FOXP2: variants seen among roughly 807,000 people sequenced by gnomAD.
FOXP2 encodes the protein forkhead box P2, also known as forkhead box protein P2.
Under a neutral mutation model 115.8 loss-of-function variants are expected in FOXP2, and 12 were observed. That is an observed-to-expected ratio of 0.10 (90% CI 0.07 to 0.17). FOXP2 has a LOEUF of 0.17. FOXP2 is among the 10% of genes least tolerant of loss of function. The pLI, the probability that FOXP2 is intolerant of heterozygous loss-of-function variation, is 1.00. For synonymous variants in FOXP2, 328 were observed against 297.7 expected (o/e 1.10, Z -1.05); for missense variants, 629 against 843.5 (o/e 0.75, Z 3.15).
intron 2 of FOXP2, among the ~76,000 whole-genome samples, chr7:114,392,185 G>C (rs1792620470): frequency 1.3e-5 from 2 of 152,142 alleles, no homozygotes; most frequent in African/African-American, 4.8e-5. Flanking sequence ...TAATGGAGAA[G>C]AGGATTTTGG....
chr7:114,680,824 G>A (rs1808050105), intron 16 of FOXP2, among the ~76,000 whole-genome samples: 1 of 152,034 alleles, frequency 6.6e-6, no homozygotes, highest in Non-Finnish European at 1.5e-5. Context: ...AACAGTTGGG[G>A]AAAAATGGCA....
chr7:114,139,215 G>C (rs1034772188), intron 1 of FOXP2, among the ~76,000 whole-genome samples: 3 of 151,996 alleles, frequency 2.0e-5, no homozygotes, highest in Non-Finnish European at 4.4e-5. Context: ...TTTCATGTTA[G>C]AGCGGAAAAA....
intron 3 of FOXP2, among the ~76,000 whole-genome samples, chr7:114,607,155 A>G (rs1262886860): frequency 6.6e-6 from 1 of 152,188 alleles, no homozygotes. Context: ...TTTATTTTAT[A>G]AGGCCACAGA....
chr7:114,427,501 A>G (rs1251880679), intron 2 of FOXP2, among the ~76,000 whole-genome samples: 1 of 151,628 alleles, frequency 6.6e-6, no homozygotes, highest in Admixed American at 6.6e-5. Context: ...TTGAAAGCAT[A>G]TACTTATATT....
At chr7:114,562,169 G>T (rs1200028228) in intron 3 of FOXP2, among the ~76,000 whole-genome samples, 1 of 152,100 alleles carries the variant, frequency 6.6e-6, no homozygotes, top group African/African-American at 2.4e-5. Flanking sequence ...TGACCCTGCT[G>T]CAGCATTTGT....
chr7:114,401,875 C>CTTT lies in FOXP2; in HGVS notation c.-10-24626_-10-24624dup, dbSNP rs1285279517. On this transcript the variant is annotated intron_variant, in intron 2 of 17. Transcript: ENST00000634411. The stretch of plus-strand genomic sequence containing the variant: ...GTGGCTCATGCCTGTAATCTCAGCA[C>CTTT]TTTGAGAGGCCAAGGCAGGCGGATC... Among the ~76,000 whole-genome samples, 10 of 152,260 alleles carry CTTT rather than the reference C, an allele frequency of 6.6e-5. No individual in the cohort carries two copies. The East Asian group carries it at 1.7e-3, about 26-fold the overall frequency.
chr7:114,136,515 A>C (rs1279903165), intron 1 of FOXP2, among the ~76,000 whole-genome samples: 2 of 152,018 alleles, frequency 1.3e-5, no homozygotes, highest in Non-Finnish European at 2.9e-5. Flanking sequence ...ATAGTTTGTA[A>C]TAAAAGTTTT....
At chr7:114,545,016 A>C (rs1330214607) in intron 3 of FOXP2, among the ~76,000 whole-genome samples, 2 of 152,214 alleles carry the variant, frequency 1.3e-5, no homozygotes, top group Non-Finnish European at 2.9e-5. Context: ...ACTGAATTAA[A>C]ATTGAGGAAC....
At chr7:114,164,904 A>C (rs1476315439) in intron 1 of FOXP2, among the ~76,000 whole-genome samples, 1 of 152,110 alleles carries the variant, frequency 6.6e-6, no homozygotes, top group African/African-American at 2.4e-5. Context: ...AAATTACAGC[A>C]CAGATTATAG....
intron 16 of FOXP2, among the ~76,000 whole-genome samples, chr7:114,672,593 A>G (rs1807548903): frequency 8.6e-6 from 1 of 116,472 alleles, no homozygotes; most frequent in Non-Finnish European, 1.8e-5. Flanking sequence ...TCAAAAAAAA[A>G]AATACCTATT....
chr7:114,262,744 C>T (rs1395713643), intron 1 of FOXP2, among the ~76,000 whole-genome samples: 4 of 152,162 alleles, frequency 2.6e-5, no homozygotes, highest in Non-Finnish European at 4.4e-5. Context: ...TTTCTTCTTT[C>T]TTTCCACCCA....
At chr7:114,189,623 T>C (rs1382133530) in intron 1 of FOXP2, among the ~76,000 whole-genome samples, 1 of 152,142 alleles carries the variant, frequency 6.6e-6, no homozygotes, top group Non-Finnish European at 1.5e-5. Flanking sequence ...TGAATAACCT[T>C]ATGACTTATA....
chr7:114,492,370 A>T (rs1305335741), intron 2 of FOXP2, among the ~76,000 whole-genome samples: 3 of 151,974 alleles, frequency 2.0e-5, no homozygotes, highest in African/African-American at 7.3e-5. Flanking sequence ...CAGCTCCTGG[A>T]TTCACTGATT....
At chr7:114,171,690 G>A (rs1793144969) in intron 1 of FOXP2, among the ~76,000 whole-genome samples, 1 of 152,146 alleles carries the variant, frequency 6.6e-6, no homozygotes. Context: ...ACAGATCAAG[G>A]GGTAATTTCC....
intron 2 of FOXP2, among the ~76,000 whole-genome samples, chr7:114,486,790 G>T (rs1416646271): frequency 6.6e-6 from 1 of 152,196 alleles, no homozygotes; most frequent in Non-Finnish European, 1.5e-5. Context: ...GCTCTGAAAT[G>T]ATCTCCTTTG....
intron 6 of FOXP2, among the ~76,000 whole-genome samples, chr7:114,639,457 G>A (rs1229319883): frequency 6.6e-6 from 1 of 151,694 alleles, no homozygotes; most frequent in Non-Finnish European, 1.5e-5. Context: ...ATTAGAAGGA[G>A]ACTGGTGATA....
At chr7:114,429,710 A>G (rs1794019941) in intron 2 of FOXP2, among the ~76,000 whole-genome samples, 1 of 151,574 alleles carries the variant, frequency 6.6e-6, no homozygotes, top group Admixed American at 6.6e-5. Context: ...TACTGCTTTG[A>G]AGGTGTTTCA....
chr7:114,462,275 G>A lies in FOXP2; in HGVS notation c.168+35596G>A, dbSNP rs866078576. Among the ~76,000 whole-genome samples the A allele has an allele frequency of 2.8e-3, 114 of 41,440 alleles. 1 individual carries two copies. The highest frequency in any genetic ancestry group is 0.011 in the African/African-American group (92 of 8,506). The allele number at this position is 41,440 out of a possible 152,430, so 27.2% of individuals were successfully genotyped here. Reference sequence around the variant, plus strand: ...CAGCCTGGCGACAGAACGAGACTCCGTGAAAAAAAAAAAAAAAAAAAAAAA... The same window carrying A: ...CAGCCTGGCGACAGAACGAGACTCCATGAAAAAAAAAAAAAAAAAAAAAAA... On this transcript the variant is annotated intron_variant, in intron 2 of 16. Transcript: ENST00000350908.
At chr7:114,486,419 TATA>T (rs775720971) in intron 2 of FOXP2, among the ~76,000 whole-genome samples, 41 of 152,270 alleles carry the variant, frequency 2.7e-4, no homozygotes, top group Non-Finnish European at 4.9e-4. Context: ...TTATGGAAGC[TATA>T]ATTCAAGATG....
Sources: gnomAD v4.1 joint callset for allele counts (sites outside exome capture counted in the v4.1 genomes callset) on GRCh38, gnomAD v4.1.1 for gene constraint, MANE v1.5 for transcripts, NCBI Gene and HGNC (gene_info 2026-07-23, HGNC 2026-07-21) for gene names.